Variants in GLIS3 observed in about 807,000 individuals in gnomAD.
GLIS3 encodes zinc finger protein GLIS3.
A neutral mutation model predicts 78.6 loss-of-function variants in GLIS3; 53 were observed. That is an observed-to-expected ratio of 0.67 (90% CI 0.54 to 0.85). GLIS3 has a LOEUF of 0.85. Ranked by LOEUF, GLIS3 falls within the 40% of genes least tolerant of loss-of-function variation. The pLI, the probability that GLIS3 is intolerant of heterozygous loss-of-function variation, is 0.00. For synonymous variants in GLIS3, 684 were observed against 509.9 expected (o/e 1.34, Z -4.60); for missense variants, 1,703 against 1,231.1 (o/e 1.38, Z -5.74).
chr9:4,429,707 G>GAATC, the GLIS3 span, among the ~76,000 whole-genome samples: 1 of 152,226 alleles, frequency 6.6e-6, no homozygotes, highest in East Asian at 1.9e-4. Flanking sequence ...ACCAAACATT[G>GAATC]AATCCCCAGC....
the GLIS3 span, among the ~76,000 whole-genome samples, chr9:4,453,541 G>C: frequency 6.6e-6 from 1 of 152,128 alleles, no homozygotes; most frequent in African/African-American, 2.4e-5. Flanking sequence ...CTTCTCAAAA[G>C]AAGACATTTA....
the GLIS3 span, among the ~76,000 whole-genome samples, chr9:4,383,549 G>A: frequency 6.6e-6 from 1 of 152,098 alleles, no homozygotes; most frequent in Non-Finnish European, 1.5e-5. Context: ...TGCTCCAAAA[G>A]CAGTTTCTAT....
chr9:3,834,000 GC>G (rs1218971806), intron 9 of GLIS3, among the ~76,000 whole-genome samples: 6 of 152,082 alleles, frequency 3.9e-5, no homozygotes, highest in Non-Finnish European at 5.9e-5. Context: ...AACAAAGAAG[GC>G]AAAAATTATT....
chr9:3,855,921 T>C (rs780854417), intron 9 of GLIS3, 88 bp downstream of exon 9: 70 of 1,402,730 alleles, frequency 5.0e-5, no homozygotes, highest in Admixed American at 5.0e-5. Context: ...GAACAGAGCA[T>C]CTGAAATCCA....
At chr9:4,447,294 G>C in the GLIS3 span, among the ~76,000 whole-genome samples, 4 of 151,944 alleles carry the variant, frequency 2.6e-5, no homozygotes, top group East Asian at 7.7e-4. Context: ...CAATCCTCCT[G>C]CCTTGGCCTC....
At chr9:4,018,065 C>T (rs946865640) in intron 4 of GLIS3, among the ~76,000 whole-genome samples, 33 of 152,140 alleles carry the variant, frequency 2.2e-4, no homozygotes, top group African/African-American at 7.0e-4. Flanking sequence ...CTCATAAACA[C>T]GTGCATTTTC....
the GLIS3 span, among the ~76,000 whole-genome samples, chr9:4,446,851 G>T: frequency 6.6e-6 from 1 of 151,824 alleles, no homozygotes; most frequent in South Asian, 2.1e-4. Flanking sequence ...TTCATTGTGT[G>T]ACCTCTGCTT....
At chr9:4,485,897 A>G in the GLIS3 span, among the ~76,000 whole-genome samples, 27 of 151,908 alleles carry the variant, frequency 1.8e-4, no homozygotes, top group Admixed American at 1.4e-3. Context: ...AATTTTTTGT[A>G]TTTTTAGCAG....
At chr9:4,483,430 G>C in the GLIS3 span, among the ~76,000 whole-genome samples, 1 of 152,058 alleles carries the variant, frequency 6.6e-6, no homozygotes, top group Non-Finnish European at 1.5e-5. Context: ...TACATAAGAG[G>C]TGTTGGTGGC....
the GLIS3 span, among the ~76,000 whole-genome samples, chr9:4,478,518 C>A: frequency 6.6e-6 from 1 of 151,576 alleles, no homozygotes; most frequent in Non-Finnish European, 1.5e-5. Context: ...GGCTGAGGCA[C>A]GGAAATCGCT....
chr9:4,091,203 T>G (rs1285719382), intron 4 of GLIS3, among the ~76,000 whole-genome samples: 2 of 151,896 alleles, frequency 1.3e-5, no homozygotes, highest in African/African-American at 2.4e-5. Context: ...AAAATAATTT[T>G]TAAAATGTTA....
intron 6 of GLIS3, among the ~76,000 whole-genome samples, chr9:3,908,873 G>C (rs1257327996): frequency 2.0e-5 from 3 of 152,058 alleles, no homozygotes; most frequent in African/African-American, 4.8e-5. Flanking sequence ...AGGGAAAAAG[G>C]CCCAGATTCT....
chr9:3,911,104 C>T (rs1356511959), intron 6 of GLIS3, among the ~76,000 whole-genome samples: 1 of 151,264 alleles, frequency 6.6e-6, no homozygotes, highest in Non-Finnish European at 1.5e-5. Flanking sequence ...TTCCTTTCTT[C>T]CTTCCTTCCT....
In GLIS3 at chr9:4,247,718, G is replaced by A. The variant is rs942065029; in HGVS notation, c.388+38320C>T. On this transcript the variant is annotated intron_variant, in intron 2 of 10. Coordinates refer to ENST00000381971, the MANE Select transcript of GLIS3 (RefSeq NM_001042413.2). ...AGAGCTATTATTACTTGTAGATTAT[G>A]ATAGTATACTGAGAAAATCCCAAGA... 3.9e-5 allele frequency among the ~76,000 whole-genome samples: 6 copies of A among 152,152 alleles called. No homozygotes were observed. The South Asian group carries it at 8.3e-4, about 21-fold the overall frequency.
At chr9:4,267,257 G>A (rs1289230638) in intron 2 of GLIS3, among the ~76,000 whole-genome samples, 2 of 152,098 alleles carry the variant, frequency 1.3e-5, no homozygotes, top group African/African-American at 2.4e-5. Context: ...TCTGGTATCT[G>A]GACTCCAGGT....
intron 2 of GLIS3, among the ~76,000 whole-genome samples, chr9:4,223,854 G>C (rs1045713811): frequency 2.6e-5 from 4 of 152,026 alleles, no homozygotes; most frequent in African/African-American, 9.7e-5. Flanking sequence ...CAAATGTCGG[G>C]AATTCTACAT....
At chr9:3,980,777 T>C (rs1182267890) in intron 4 of GLIS3, among the ~76,000 whole-genome samples, 2 of 152,216 alleles carry the variant, frequency 1.3e-5, no homozygotes, top group Non-Finnish European at 2.9e-5. Flanking sequence ...CTACATCAGA[T>C]CACTGTCCAG....
At chr9:4,071,982 T>G (rs1289168552) in intron 4 of GLIS3, 1 of 152,172 alleles carries the variant, frequency 6.6e-6, no homozygotes, top group Non-Finnish European at 1.5e-5. Flanking sequence ...TAGAACTCGC[T>G]TTGGCCAGAG....
the GLIS3 span, among the ~76,000 whole-genome samples, chr9:4,449,712 T>A: frequency 6.6e-6 from 1 of 152,162 alleles, no homozygotes; most frequent in East Asian, 1.9e-4. Context: ...GGGTCTGGAG[T>A]GGACCTCTAG....
Sources: allele counts gnomAD v4.1 joint callset (sites outside exome capture counted in the v4.1 genomes callset), GRCh38; gene constraint gnomAD v4.1.1; transcripts MANE v1.5; gene names NCBI Gene and HGNC (gene_info 2026-07-23, HGNC 2026-07-21).